EFCAB3: variants seen among roughly 807,000 people sequenced by gnomAD.
The protein encoded by EFCAB3 is EF-hand calcium-binding domain-containing protein 3.
Under a neutral mutation model 42.2 loss-of-function variants are expected in EFCAB3, and 36 were observed. The ratio of observed to expected loss-of-function variants is 0.85; its 90% confidence interval spans 0.65 to 1.13. The LOEUF is 1.13. Among genes scored for constraint, EFCAB3 ranks in the 50% most tolerant of loss-of-function variants. The pLI, the probability that EFCAB3 is intolerant of heterozygous loss-of-function variation, is 0.00. For synonymous variants in EFCAB3, 170 were observed against 172.8 expected (o/e 0.98, Z 0.13); for missense variants, 418 against 505.1 (o/e 0.83, Z 1.65).
At chr17:62,412,734 A>G (rs1001643041) in intron 8 of EFCAB3, among the ~76,000 whole-genome samples, 6 of 151,626 alleles carry the variant, frequency 4.0e-5, no homozygotes, top group Non-Finnish European at 8.8e-5. Context: ...TGCTGGAATC[A>G]CAGGCATGAG....
In EFCAB3 at chr17:62,374,160, T is replaced by A. The variant is rs568486102; in HGVS notation, c.88+293T>A. Among the ~76,000 whole-genome samples, 15 of 152,280 alleles carry A rather than the reference T, an allele frequency of 9.9e-5. No homozygotes were observed. The East Asian group carries it at 2.9e-3, about 29-fold the overall frequency. On this transcript the variant is annotated intron_variant, in intron 2 of 11. Coordinates refer to the EFCAB3 transcript ENST00000450662. ...TTTCTTACTCATATTAAAATCTTAC[T>A]TTTTTATAAATATAGCTAGGCCGGG...
chr17:62,416,389 T>C lies in EFCAB3; in HGVS notation c.*60T>C, dbSNP rs1027745612. 3.0e-6 allele frequency: 4 copies of C among 1,312,262 alleles called. No homozygotes were observed. The African/African-American group carries it at 5.9e-5, about 19-fold the overall frequency. The allele number at this position is 1,312,262 out of a possible 1,614,324, so 81.3% of individuals were successfully genotyped here. A position where few individuals can be genotyped will look rare whatever the true frequency, so the allele number is the denominator to read the frequency against. ...TACTTTTTCATAGTTATCAAAATTA[T>C]TGTTTCTTGCTTTTGTCTAAGTACA... is the stretch of plus-strand genomic sequence containing the variant. On this transcript the variant is annotated 3_prime_UTR_variant, in exon 10 of 10. Transcript: ENST00000305286.
intron 3 of EFCAB3, among the ~76,000 whole-genome samples, chr17:62,388,974 T>C (rs1218434709): frequency 6.6e-6 from 1 of 152,150 alleles, no homozygotes; most frequent in Non-Finnish European, 1.5e-5. Flanking sequence ...GCAGAAATGA[T>C]GGCCACAAAG....
intron 2 of EFCAB3, among the ~76,000 whole-genome samples, chr17:62,375,439 T>G (rs1416224249): frequency 6.6e-6 from 1 of 152,198 alleles, no homozygotes; most frequent in African/African-American, 2.4e-5. Context: ...ATAAGTTCTA[T>G]GTTCACCAAT....
intron 9 of EFCAB3, among the ~76,000 whole-genome samples, chr17:62,415,399 T>C (rs916742315): frequency 2.6e-5 from 4 of 152,364 alleles, no homozygotes; most frequent in South Asian, 2.1e-4. Flanking sequence ...CACTGAGGAA[T>C]AGGCTTTTGC....
At chr17:62,404,624 C>T (rs2070433141) in intron 6 of EFCAB3, among the ~76,000 whole-genome samples, 1 of 151,986 alleles carries the variant, frequency 6.6e-6, no homozygotes, top group Admixed American at 6.6e-5. Context: ...TGGAGAAACC[C>T]CGTCTCTACT....
chr17:62,391,732 C>G (rs764362843), intron 3 of EFCAB3, 90 bp from the exon 4 acceptor site: 4 of 1,281,570 alleles, frequency 3.1e-6, no homozygotes, highest in South Asian at 4.3e-5. Context: ...AACATGATCT[C>G]CAGTCAACTA....
chr17:62,383,566 A>G (rs1188112895), intron 2 of EFCAB3, among the ~76,000 whole-genome samples: 1 of 152,240 alleles, frequency 6.6e-6, no homozygotes, highest in Non-Finnish European at 1.5e-5. Flanking sequence ...AACTTTAGTT[A>G]TAAAACAAAA....
At chr17:62,371,504 G>T (rs543368196) in intron 1 of EFCAB3, among the ~76,000 whole-genome samples, 2 of 152,296 alleles carry the variant, frequency 1.3e-5, no homozygotes, top group South Asian at 4.2e-4. Context: ...GTTGCAGTGA[G>T]CCAAGATTGC....
chr17:62,389,327 T>C (rs1421430175), intron 3 of EFCAB3, among the ~76,000 whole-genome samples: 2 of 152,118 alleles, frequency 1.3e-5, no homozygotes, highest in Non-Finnish European at 2.9e-5. Flanking sequence ...GTCTATGGAA[T>C]TGGATGGTTT....
intron 8 of EFCAB3, among the ~76,000 whole-genome samples, chr17:62,408,607 C>G (rs924908929): frequency 6.6e-6 from 1 of 152,186 alleles, no homozygotes; most frequent in Non-Finnish European, 1.5e-5. Context: ...CTCAGTCACA[C>G]CAGTCACATT....
At chr17:62,411,633 G>A (rs1598022550) in intron 8 of EFCAB3, among the ~76,000 whole-genome samples, 1 of 152,056 alleles carries the variant, frequency 6.6e-6, no homozygotes, top group Admixed American at 6.6e-5. Flanking sequence ...CAGGCATGAT[G>A]GCACATGCCT....
intron 8 of EFCAB3, 92 bp downstream of exon 8, chr17:62,407,304 T>A (rs2070457322): frequency 1.6e-5 from 19 of 1,161,968 alleles, no homozygotes; most frequent in Non-Finnish European, 2.2e-5. Flanking sequence ...CAACAAATAG[T>A]TTTAGTCATT....
chr17:62,372,571 G>A (rs1221774141), intron 1 of EFCAB3, among the ~76,000 whole-genome samples: 6 of 151,846 alleles, frequency 4.0e-5, no homozygotes, highest in Middle Eastern at 6.8e-3. Flanking sequence ...CGTGACCACC[G>A]CGCCCGGCCA....
At chr17:62,379,862 A>T (rs746509678), upstream of EFCAB3, among the ~76,000 whole-genome samples, 2 of 152,212 alleles carry the variant, frequency 1.3e-5, no homozygotes, top group Non-Finnish European at 2.9e-5. Flanking sequence ...TTTTCCCAAT[A>T]ATACTAAAGA....
At chr17:62,396,702 G>A (rs1436594850) in intron 6 of EFCAB3, among the ~76,000 whole-genome samples, 2 of 151,964 alleles carry the variant, frequency 1.3e-5, no homozygotes, top group Non-Finnish European at 2.9e-5. Context: ...ATACCAGCTG[G>A]GCAATATAGC....
rs2070519797 is a variant in EFCAB3, at chr17:62,413,740, TA to T, written c.877del (p.Ile293Ter). On this transcript the variant is annotated frameshift_variant, in exon 9 of 10. Transcript: ENST00000305286. LOFTEE classifies it high-confidence loss of function. ...KRDWKTQAAN[I>X]KSMDPASGYS... ...TTTAAATATGCATAAAGGCAGCAAA[TA>T]TAAAGTCTATGGACCCTGCCTCAGG... 1.2e-6 allele frequency: 2 copies of T among 1,601,026 alleles called. No individual in the cohort carries two copies. Among genetic ancestry groups the T allele is most frequent in the Non-Finnish European group, 1.7e-6 (2 of 1,174,168 alleles).
intron 5 of EFCAB3, among the ~76,000 whole-genome samples, chr17:62,393,862 C>T (rs1215822085): frequency 6.6e-6 from 1 of 152,208 alleles, no homozygotes; most frequent in Non-Finnish European, 1.5e-5. Context: ...ACACCTACTG[C>T]AAGAGACACT....
At chr17:62,406,433 T>C (rs1359338033) in intron 6 of EFCAB3, 47 bp from the exon 7 acceptor site, 1 of 1,480,866 alleles carries the variant, frequency 6.8e-7, no homozygotes, top group African/African-American at 1.4e-5. Context: ...AAAATTTTTG[T>C]CCTATGTCTC....
Sources: gnomAD v4.1 joint callset for allele counts (sites outside exome capture counted in the v4.1 genomes callset) on GRCh38, gnomAD v4.1.1 for gene constraint, MANE v1.5 for transcripts, NCBI Gene and HGNC (gene_info 2026-07-23, HGNC 2026-07-21) for gene names.